Variants in MALRD1 observed in about 807,000 individuals in gnomAD.
MALRD1 encodes the protein MAM and LDL receptor class A domain containing 1, also known as MAM and LDL-receptor class A domain-containing protein 1.
In MALRD1, 247 loss-of-function variants were observed where a neutral mutation model predicts 242.1. The ratio of observed to expected loss-of-function variants is 1.02; its 90% CI spans 0.92 to 1.13. The LOEUF is 1.13. Ranked by LOEUF, MALRD1 falls within the 50% of genes most tolerant of loss-of-function variation. The probability of loss-of-function intolerance (pLI) is 0.00; values close to 1 mark genes in which losing one functional copy is unlikely to be tolerated. For synonymous variants in MALRD1, 995 were observed against 866.6 expected, an observed-to-expected ratio of 1.15 and a Z score of -2.60; for missense variants, 2,989 against 2,533.1, an observed-to-expected ratio of 1.18 and a Z score of -3.86.
chr10:19,623,499 C>G (rs1564492744), intron 36 of MALRD1, among the ~76,000 whole-genome samples: 1 of 152,138 alleles, frequency 6.6e-6, no homozygotes, highest in Non-Finnish European at 1.5e-5. Flanking sequence ...AACATGCCAT[C>G]TGCAAATTGA....
intron 33 of MALRD1, among the ~76,000 whole-genome samples, chr10:19,576,962 T>C (rs1179137485): frequency 7.9e-6 from 1 of 127,032 alleles, no homozygotes; most frequent in Non-Finnish European, 1.6e-5. Flanking sequence ...ATCCACATTG[T>C]CGTTTTTTTT....
chr10:19,357,773 C>T (rs1048493522), intron 26 of MALRD1, among the ~76,000 whole-genome samples: 2 of 152,106 alleles, frequency 1.3e-5, no homozygotes, highest in Non-Finnish European at 2.9e-5. Context: ...TTGGAAATGA[C>T]TCTAGTTCAC....
At chr10:19,667,908 C>T (rs1377771692) in intron 36 of MALRD1, among the ~76,000 whole-genome samples, 1 of 152,084 alleles carries the variant, frequency 6.6e-6, no homozygotes, top group Non-Finnish European at 1.5e-5. Context: ...AGTCCAAGGA[C>T]AAGTTGCTGG....
intron 29 of MALRD1, among the ~76,000 whole-genome samples, chr10:19,480,095 G>C (rs188769359): frequency 6.6e-6 from 1 of 152,204 alleles, no homozygotes; most frequent in Non-Finnish European, 1.5e-5. Flanking sequence ...GCTGAGGAGG[G>C]ACAAGTGCGT....
intron 18 of MALRD1, among the ~76,000 whole-genome samples, chr10:19,217,945 G>A (rs2131654618): frequency 6.6e-6 from 1 of 152,242 alleles, no homozygotes; most frequent in East Asian, 1.9e-4. Context: ...CATGCTAAAT[G>A]TTTGTTGAGT....
At chr10:19,289,305 T>C (rs1057008738) in intron 21 of MALRD1, among the ~76,000 whole-genome samples, 1 of 152,174 alleles carries the variant, frequency 6.6e-6, no homozygotes, top group African/African-American at 2.4e-5. Flanking sequence ...TTCAATAGAC[T>C]GGAAATTTCC....
intron 19 of MALRD1, among the ~76,000 whole-genome samples, chr10:19,270,900 A>G (rs936454082): frequency 6.6e-6 from 1 of 152,058 alleles, no homozygotes; most frequent in Non-Finnish European, 1.5e-5. Context: ...AGACAAATGA[A>G]CTATGTAAAT....
At chr10:19,312,400 A>ATATGTG (rs1491220851) in intron 21 of MALRD1, among the ~76,000 whole-genome samples, 12 of 143,630 alleles carry the variant, frequency 8.4e-5, no homozygotes, top group African/African-American at 3.1e-4. Flanking sequence ...ATATATATAT[A>ATATGTG]TGTGTATATG....
chr10:19,191,933 G>C (rs994919109), intron 14 of MALRD1, among the ~76,000 whole-genome samples: 3 of 152,200 alleles, frequency 2.0e-5, no homozygotes, highest in South Asian at 4.2e-4. Flanking sequence ...GGGAAGCGGA[G>C]GTTGTAGTGA....
chr10:19,561,576 G>A lies in MALRD1; in HGVS notation c.5479-5926G>A, dbSNP rs562097079. ...TGAACATTATATAATGCTATACCAG[G>A]CCATTTGGGCTGCTATAACAATGCC... is the stretch of plus-strand genomic sequence containing the variant. On this transcript the variant is annotated intron_variant, in intron 32 of 39. Transcript: ENST00000454679. Among the ~76,000 whole-genome samples, 92 of 152,234 alleles carry A rather than the reference G, an allele frequency of 6.0e-4. No homozygotes were observed. In the Middle Eastern group the frequency reaches 0.01, roughly 17 times the overall value.
At chr10:19,599,383 A>G (rs1742564447) in intron 34 of MALRD1, among the ~76,000 whole-genome samples, 1 of 152,174 alleles carries the variant, frequency 6.6e-6, no homozygotes, top group Admixed American at 6.6e-5. Flanking sequence ...TGGAAACATT[A>G]ATTTTTCATG....
chr10:19,446,038 G>T (rs946984103), intron 28 of MALRD1, among the ~76,000 whole-genome samples: 5 of 152,170 alleles, frequency 3.3e-5, no homozygotes, highest in African/African-American at 4.8e-5. Context: ...ATCTCAGACT[G>T]CTGTGCTAGC....
chr10:19,069,441 A>T (rs1835075119), intron 2 of MALRD1, among the ~76,000 whole-genome samples: 1 of 152,028 alleles, frequency 6.6e-6, no homozygotes, highest in Non-Finnish European at 1.5e-5. Flanking sequence ...TTAAAAATAG[A>T]TTTAAAAGAA....
intron 38 of MALRD1, among the ~76,000 whole-genome samples, chr10:19,702,069 C>T (rs954769642): frequency 1.3e-5 from 2 of 151,982 alleles, no homozygotes; most frequent in African/African-American, 4.8e-5. Flanking sequence ...TTAAGGAGCT[C>T]AACTTAAATA....
intron 36 of MALRD1, among the ~76,000 whole-genome samples, chr10:19,684,024 C>A (rs1842476882): frequency 6.6e-6 from 1 of 152,100 alleles, no homozygotes; most frequent in Non-Finnish European, 1.5e-5. Flanking sequence ...TGAGAACATG[C>A]AATGTTTGGT....
At chr10:19,640,994 C>T (rs1250076772) in intron 36 of MALRD1, among the ~76,000 whole-genome samples, 3 of 152,098 alleles carry the variant, frequency 2.0e-5, no homozygotes, top group Non-Finnish European at 2.9e-5. Flanking sequence ...ATGCCATGTA[C>T]ATTTATTTAT....
In MALRD1 at chr10:19,295,180, A is replaced by T. The variant is rs150266716; in HGVS notation, c.3419+11999A>T. 2.4e-3 allele frequency among the ~76,000 whole-genome samples: 363 copies of T among 152,172 alleles called. 1 individual carries two copies. The highest frequency in any genetic ancestry group is 8.4e-3 in the African/African-American group (349 of 41,560). ...CTGAAAGGAAAATGAAACCATACAC[A>T]GTAGAATTTTGTGTTAATTATTATT... On this transcript the variant is annotated intron_variant, in intron 21 of 39. Coordinates refer to ENST00000454679, the MANE Select transcript of MALRD1 (RefSeq NM_001142308.3).
chr10:19,466,219 T>G (rs1225174363), intron 29 of MALRD1, among the ~76,000 whole-genome samples: 1 of 152,168 alleles, frequency 6.6e-6, no homozygotes, highest in Non-Finnish European at 1.5e-5. Context: ...CTTCATTAAC[T>G]ATATTAACCT....
intron 18 of MALRD1, among the ~76,000 whole-genome samples, chr10:19,237,747 A>G (rs185431150): frequency 0.083 from 9,897 of 119,486 alleles, 503 homozygotes; most frequent in Non-Finnish European, 0.12. Flanking sequence ...TATAATTTAT[A>G]TATAAAACCA....
Sources: allele counts gnomAD v4.1 joint callset (sites outside exome capture counted in the v4.1 genomes callset), GRCh38; gene constraint gnomAD v4.1.1; transcripts MANE v1.5; gene names NCBI Gene and HGNC (gene_info 2026-07-23, HGNC 2026-07-21).